The following DLGAP2 variants were observed in gnomAD, a reference collection of about 807,000 sequenced individuals.
DLGAP2 encodes disks large-associated protein 2.
A neutral mutation model predicts 100.3 loss-of-function variants in DLGAP2; 26 were observed. The ratio of observed to expected loss-of-function variants is 0.26; its 90% CI spans 0.19 to 0.36. The LOEUF (loss-of-function observed/expected upper bound fraction) is 0.36, where lower values mean the gene tolerates loss of function less well. Ranked by LOEUF, DLGAP2 falls within the 10% of genes least tolerant of loss-of-function variation. The probability of loss-of-function intolerance (pLI) is 1.00; values close to 1 mark genes in which losing one functional copy is unlikely to be tolerated. For synonymous variants in DLGAP2, 886 were observed against 630.1 expected (o/e 1.41, Z -6.08); for missense variants, 1,858 against 1,453.2 (o/e 1.28, Z -4.53).
At chr8:1,098,834 G>C (rs1208961114) in intron 2 of DLGAP2, among the ~76,000 whole-genome samples, 1 of 151,580 alleles carries the variant, frequency 6.6e-6, no homozygotes, top group African/African-American at 2.4e-5. Flanking sequence ...GCCGCGCACG[G>C]ACGCTGCGAC....
chr8:1,299,813 T>C (rs769316957), intron 3 of DLGAP2: 2 of 152,224 alleles, frequency 1.3e-5, no homozygotes, highest in Non-Finnish European at 2.9e-5. Context: ...AACTTTCTTA[T>C]GTAAGTAAAA....
At chr8:1,361,185 C>T (rs181198713) in intron 3 of DLGAP2, among the ~76,000 whole-genome samples, 17 of 152,198 alleles carry the variant, frequency 1.1e-4, no homozygotes, top group African/African-American at 2.6e-4. Context: ...CTGCAGGGGT[C>T]GAACCACCAA....
intron 2 of DLGAP2, among the ~76,000 whole-genome samples, chr8:1,106,311 T>C (rs1052073530): frequency 6.0e-5 from 9 of 150,880 alleles, no homozygotes; most frequent in South Asian, 2.1e-4. Flanking sequence ...AGAAGGGTTT[T>C]CTATTGAGGG....
chr8:1,105,926 A>T (rs1204903676), intron 2 of DLGAP2, among the ~76,000 whole-genome samples: 4 of 145,814 alleles, frequency 2.7e-5, no homozygotes, highest in Admixed American at 2.7e-4. Flanking sequence ...GAAGGAGGCC[A>T]TTCTAGGAGT....
Position 1,703,259 on chromosome 8 carries a change from G to A in DLGAP2, c.*1853G>A, listed in dbSNP as rs1458513131. Reference sequence around the variant, plus strand: ...TACCAAACAGCCTTAAAATATATTTGGAAGCAAAAATCAGTACGAATGTAT... The same window carrying A: ...TACCAAACAGCCTTAAAATATATTTAGAAGCAAAAATCAGTACGAATGTAT... On this transcript the variant is annotated 3_prime_UTR_variant, in exon 15 of 15. Transcript: ENST00000637795. 6.6e-6 allele frequency: 1 copy of A among 151,874 alleles called. No homozygotes were observed. Among genetic ancestry groups the A allele is most frequent in the African/African-American group, 2.4e-5 (1 of 41,146 alleles). The allele number at this position is 151,874 out of a possible 1,614,324, so 9.4% of individuals were successfully genotyped here.
chr8:1,157,885 C>T lies in DLGAP2; in HGVS notation c.74-100966C>T, dbSNP rs925690255. 9.9e-5 allele frequency among the ~76,000 whole-genome samples: 15 copies of T among 152,284 alleles called. No individual in the cohort carries two copies. In the South Asian group the frequency reaches 2.5e-3, roughly 25 times the overall value. On this transcript the variant is annotated intron_variant, in intron 2 of 14. Transcript: ENST00000637795. ...GCTATCTCAGATGCTGCCGGTGTTC[C>T]GTCTTGTTTAGTCTTCTGGGCACCT...
intron 3 of DLGAP2, among the ~76,000 whole-genome samples, chr8:1,452,194 C>T (rs1004133762): frequency 5.9e-5 from 9 of 152,184 alleles, no homozygotes; most frequent in East Asian, 1.9e-4. Context: ...TCTGTGGCTG[C>T]GTGCTCTGTG....
chr8:1,357,670 A>T (rs937852090), intron 3 of DLGAP2, among the ~76,000 whole-genome samples: 14 of 152,150 alleles, frequency 9.2e-5, no homozygotes, highest in African/African-American at 2.9e-4. Context: ...TTTGTCTCTG[A>T]CGGATTTTAA....
intron 3 of DLGAP2, among the ~76,000 whole-genome samples, chr8:1,416,514 T>C (rs1411022279): frequency 6.6e-6 from 1 of 152,032 alleles, no homozygotes; most frequent in East Asian, 1.9e-4. Context: ...GGACATGGAG[T>C]TCTAGCCCCG....
chr8:1,144,280 T>G (rs1158754659), intron 2 of DLGAP2, among the ~76,000 whole-genome samples: 1 of 152,178 alleles, frequency 6.6e-6, no homozygotes, highest in Non-Finnish European at 1.5e-5. Flanking sequence ...CGGTGGAGCA[T>G]TTGAGTGGAT....
intron 1 of DLGAP2, among the ~76,000 whole-genome samples, chr8:771,834 G>T (rs147499912): frequency 2.0e-5 from 3 of 152,258 alleles, no homozygotes; most frequent in African/African-American, 7.2e-5. Flanking sequence ...GGAAAGGGCA[G>T]TGTGGAGCGT....
At chr8:738,321 G>T (rs1202398316) in intron 1 of DLGAP2, among the ~76,000 whole-genome samples, 1 of 150,766 alleles carries the variant, frequency 6.6e-6, no homozygotes, top group Non-Finnish European at 1.5e-5. Context: ...GCCGGGCTGG[G>T]CTGCGCGCAC....
chr8:1,580,052 C>A (rs1803164623), intron 6 of DLGAP2, among the ~76,000 whole-genome samples: 1 of 152,196 alleles, frequency 6.6e-6, no homozygotes, highest in African/African-American at 2.4e-5. Flanking sequence ...TGATACCATT[C>A]ACATCCATTC....
chr8:913,934 A>G (rs914001082), intron 2 of DLGAP2, among the ~76,000 whole-genome samples: 2 of 152,112 alleles, frequency 1.3e-5, no homozygotes, highest in African/African-American at 4.8e-5. Flanking sequence ...TGAGACATGC[A>G]GGCACCTCAG....
intron 3 of DLGAP2, among the ~76,000 whole-genome samples, chr8:1,372,391 G>A (rs1802262740): frequency 6.6e-6 from 1 of 152,202 alleles, no homozygotes; most frequent in South Asian, 2.1e-4. Flanking sequence ...GGCGAGCAAA[G>A]CAGACACCGT....
chr8:1,116,245 G>T (rs1675430084), intron 2 of DLGAP2, among the ~76,000 whole-genome samples: 1 of 152,174 alleles, frequency 6.6e-6, no homozygotes, highest in Non-Finnish European at 1.5e-5. Context: ...GTCCTGACAT[G>T]CTCTTGGGTT....
intron 1 of DLGAP2, among the ~76,000 whole-genome samples, chr8:850,000 G>A (rs1797154683): frequency 6.6e-6 from 1 of 150,838 alleles, no homozygotes; most frequent in Non-Finnish European, 1.5e-5. Flanking sequence ...GGAGGCAGAG[G>A]TTGCAGTGAG....
At chr8:1,415,110 A>G (rs567130765) in intron 3 of DLGAP2, among the ~76,000 whole-genome samples, 1 of 152,358 alleles carries the variant, frequency 6.6e-6, no homozygotes, top group East Asian at 1.9e-4. Context: ...GTGTACACAC[A>G]TGTGCACACA....
intron 1 of DLGAP2, among the ~76,000 whole-genome samples, chr8:861,361 G>T (rs7822855): frequency 6.6e-6 from 1 of 151,856 alleles, no homozygotes; most frequent in Non-Finnish European, 1.5e-5. Context: ...CGGGGTCCTG[G>T]AACCCCTCCT....
Sources: allele counts gnomAD v4.1 joint callset (sites outside exome capture counted in the v4.1 genomes callset), GRCh38; gene constraint gnomAD v4.1.1; transcripts MANE v1.5; gene names NCBI Gene and HGNC (gene_info 2026-07-23, HGNC 2026-07-21).